The following NRXN3 variants were observed in gnomAD, a reference collection of about 807,000 sequenced individuals.
The protein encoded by NRXN3 is neurexin 3.
In NRXN3, 32 loss-of-function variants were observed where a neutral mutation model predicts 137.6. That is an observed-to-expected ratio of 0.23 (90% CI 0.18 to 0.31). The LOEUF is 0.31. NRXN3 is among the 10% of genes least tolerant of loss of function. The pLI, the probability that NRXN3 is intolerant of heterozygous loss-of-function variation, is 1.00. For missense variants in NRXN3, 1,574 were observed against 2,062.5 expected (o/e 0.76, Z 4.59); for synonymous variants, 798 against 784.5 (o/e 1.02, Z -0.29).
chr14:78,788,193 C>T (rs1284033752), intron 8 of NRXN3, among the ~76,000 whole-genome samples: 1 of 152,130 alleles, frequency 6.6e-6, no homozygotes, highest in Non-Finnish European at 1.5e-5. Flanking sequence ...GAAGTATCCT[C>T]TCATGGAAGC....
intron 20 of NRXN3, among the ~76,000 whole-genome samples, chr14:79,808,863 C>T (rs2099221123): frequency 2.0e-5 from 3 of 152,092 alleles, no homozygotes; most frequent in South Asian, 2.1e-4. Flanking sequence ...TATAAGCAAT[C>T]GCCTTTCACT....
intron 3 of NRXN3, among the ~76,000 whole-genome samples, chr14:78,296,604 G>A (rs2076367959): frequency 6.6e-6 from 1 of 152,014 alleles, no homozygotes; most frequent in South Asian, 2.1e-4. Flanking sequence ...TATTTATCCT[G>A]GTCCTAGAGC....
intron 15 of NRXN3, chr14:79,279,502 C>T: frequency 1.0e-6 from 1 of 986,326 alleles, no homozygotes; most frequent in Non-Finnish European, 1.2e-6. Flanking sequence ...CCACCCACCT[C>T]CCTCCACCCC....
chr14:79,366,478 A>G (rs1254432977), intron 15 of NRXN3, among the ~76,000 whole-genome samples: 1 of 152,032 alleles, frequency 6.6e-6, no homozygotes, highest in Non-Finnish European at 1.5e-5. Flanking sequence ...TACCCTTCCC[A>G]GCTTCTGGTA....
intron 4 of NRXN3, among the ~76,000 whole-genome samples, chr14:78,523,602 A>G (rs1408425730): frequency 2.1e-5 from 3 of 144,374 alleles, no homozygotes; most frequent in Non-Finnish European, 4.5e-5. Flanking sequence ...GATTGAGACC[A>G]TCCTGGCTAA....
Position 78,822,441 on chromosome 14 carries a change from G to A in NRXN3, c.2275+12097G>A, listed in dbSNP as rs146368773. Among the ~76,000 whole-genome samples, 508 of 152,112 alleles carry A rather than the reference G, an allele frequency of 3.3e-3. 4 individuals are homozygous for A. Among genetic ancestry groups the A allele is most frequent in the African/African-American group, 0.012 (485 of 41,490 alleles). On this transcript the variant is annotated intron_variant, in intron 10 of 20. Transcript: ENST00000335750. ...TGTAATCCCAGCACTTTGGGAGGCC[G>A]AGGTGGGTAGATCACTTGAGGTCAG... is the stretch of plus-strand genomic sequence containing the variant.
At position 79,007,495 on chromosome 14, in the gene NRXN3, C is replaced by CCAAA. The variant is rs928407828; in HGVS notation, c.3262+19367_3262+19370dup. Among the ~76,000 whole-genome samples the CCAAA allele has an allele frequency of 1.4e-4, 21 of 150,284 alleles. 1 individual carries two copies. The highest frequency in any genetic ancestry group is 1.3e-3 in the Admixed American group (19 of 15,078). On this transcript the variant is annotated intron_variant, in intron 15 of 20. Transcript: ENST00000335750. ...AAGGCAATAGAAAGCAATCAACCAACCAAACAAACAAACAAAAAAAAACAA... is the reference window on the plus strand; with the variant it reads ...AAGGCAATAGAAAGCAATCAACCAACCAAACAAACAAACAAACAAAAAAAAACAA...
chr14:79,351,786 A>G (rs1187956843), intron 15 of NRXN3, among the ~76,000 whole-genome samples: 3 of 152,210 alleles, frequency 2.0e-5, no homozygotes, highest in Non-Finnish European at 4.4e-5. Context: ...TCTTTTAATC[A>G]TAAAGCATTT....
At chr14:78,765,831 TTC>T (rs1414545839) in intron 8 of NRXN3, among the ~76,000 whole-genome samples, 3 of 152,208 alleles carry the variant, frequency 2.0e-5, no homozygotes, top group Admixed American at 6.5e-5. Context: ...CACCTGGATT[TTC>T]TCTGTTTTCA....
At chr14:79,045,919 A>G (rs1334637399) in intron 15 of NRXN3, among the ~76,000 whole-genome samples, 2 of 152,222 alleles carry the variant, frequency 1.3e-5, no homozygotes, top group Non-Finnish European at 2.9e-5. Flanking sequence ...GATGCAAAAC[A>G]GCTAGAAGAG....
chr14:78,482,673 C>T (rs2095492707), intron 4 of NRXN3, among the ~76,000 whole-genome samples: 1 of 152,186 alleles, frequency 6.6e-6, no homozygotes, highest in African/African-American at 2.4e-5. Flanking sequence ...AGACTTGTTA[C>T]TTCTGTTTTG....
At chr14:79,511,502 T>G (rs2096932116) in intron 16 of NRXN3, among the ~76,000 whole-genome samples, 2 of 152,230 alleles carry the variant, frequency 1.3e-5, no homozygotes, top group Non-Finnish European at 2.9e-5. Flanking sequence ...GAGGACCAAC[T>G]ATTTGCTGTT....
chr14:79,751,954 C>T lies in NRXN3; in HGVS notation c.4015-53158C>T, dbSNP rs540545784. On this transcript the variant is annotated intron_variant, in intron 19 of 20. Coordinates refer to ENST00000335750, the MANE Select transcript of NRXN3 (RefSeq NM_001330195.2). ...ATCATGGTGGATAAGCTTTTTGATG[C>T]GCTGCTGGATTCGGTTTGCCAGTAT... is the stretch of plus-strand genomic sequence containing the variant. Among the ~76,000 whole-genome samples the T allele has an allele frequency of 1.8e-3, 276 of 151,936 alleles. 2 individuals carry two copies. Among genetic ancestry groups the T allele is most frequent in the African/African-American group, 4.5e-3 (187 of 41,430 alleles).
chr14:78,836,239 T>C (rs956096299), intron 10 of NRXN3, among the ~76,000 whole-genome samples: 5 of 152,188 alleles, frequency 3.3e-5, no homozygotes, highest in African/African-American at 9.6e-5. Context: ...GGAAAGAGAA[T>C]GTTACTTATT....
chr14:78,328,112 G>A (rs1480347157), intron 4 of NRXN3, among the ~76,000 whole-genome samples: 6 of 152,130 alleles, frequency 3.9e-5, no homozygotes, highest in African/African-American at 1.4e-4. Context: ...TAACAAAGCC[G>A]ACACACAGGG....
Position 78,636,473 on chromosome 14 carries a change from G to GGTA in NRXN3, c.758-8647_758-8646insGTA. On this transcript the variant is annotated intron_variant, in intron 4 of 20. Coordinates refer to ENST00000335750, the MANE Select transcript of NRXN3 (RefSeq NM_001330195.2). ...ACTAGGGTATCAGACCCTTACTACA[G>GGTA]CACCAAGCAGATGAATCACTGCAGG... Among the ~76,000 whole-genome samples, 2 of 152,150 alleles carry GGTA rather than the reference G, an allele frequency of 1.3e-5. 1 individual carries two copies. The highest frequency in any genetic ancestry group is 4.2e-4 in the South Asian group (2 of 4,814).
At chr14:79,274,406 T>C (rs560927587) in intron 15 of NRXN3, among the ~76,000 whole-genome samples, 6 of 152,260 alleles carry the variant, frequency 3.9e-5, no homozygotes, top group Non-Finnish European at 7.3e-5. Context: ...CCTTCTTTTA[T>C]TGTGATAACA....
At position 79,225,331 on chromosome 14, in the gene NRXN3, C is replaced by A. The variant is rs930036368; in HGVS notation, c.3262+237190C>A. On this transcript the variant is annotated intron_variant, in intron 15 of 20. Transcript: ENST00000335750. Reference sequence around the variant, plus strand: ...TCTTGCTTTACCTTGAAGAAGGAAGCAACTCTCCCTGATCACAGAGCTTCC... The same window carrying A: ...TCTTGCTTTACCTTGAAGAAGGAAGAAACTCTCCCTGATCACAGAGCTTCC... Among the ~76,000 whole-genome samples the A allele has an allele frequency of 1.1e-4, 16 of 152,254 alleles. 1 individual carries two copies. In the East Asian group the frequency reaches 3.1e-3, roughly 30 times the overall value.
intron 8 of NRXN3, among the ~76,000 whole-genome samples, chr14:78,768,017 A>C (rs2098714489): frequency 6.6e-6 from 1 of 151,950 alleles, no homozygotes; most frequent in Non-Finnish European, 1.5e-5. Context: ...AGGAAAAATC[A>C]AATCAAATAC....
Sources: gnomAD v4.1 joint callset for allele counts (sites outside exome capture counted in the v4.1 genomes callset) on GRCh38, gnomAD v4.1.1 for gene constraint, MANE v1.5 for transcripts, NCBI Gene and HGNC (gene_info 2026-07-23, HGNC 2026-07-21) for gene names.